Variants in ST3GAL3 observed in about 807,000 individuals in gnomAD.
ST3GAL3 encodes the protein ST3 beta-galactoside alpha-2,3-sialyltransferase 3, also known as CMP-N-acetylneuraminate-beta-1,4-galactoside alpha-2,3-sialyltransferase.
ST3GAL3 carries 21 observed loss-of-function variants against 50.1 expected under a neutral mutation model. The ratio of observed to expected loss-of-function variants is 0.42; its 90% confidence interval spans 0.30 to 0.60. The LOEUF is 0.60. Ranked by LOEUF, ST3GAL3 falls within the 20% of genes least tolerant of loss-of-function variation. The pLI, the probability that ST3GAL3 is intolerant of heterozygous loss-of-function variation, is 0.19. For synonymous variants in ST3GAL3, 183 were observed against 190.0 expected, an observed-to-expected ratio of 0.96 and a Z score of 0.30; for missense variants, 353 against 489.4, an observed-to-expected ratio of 0.72 and a Z score of 2.63.
chr1:43,908,163 T>C (rs1468773059), intron 9 of ST3GAL3, among the ~76,000 whole-genome samples: 1 of 152,224 alleles, frequency 6.6e-6, no homozygotes, highest in Non-Finnish European at 1.5e-5. Flanking sequence ...TTGCCTTCCA[T>C]ATTCGACTCT....
chr1:43,850,881 G>C (rs2154212959), intron 5 of ST3GAL3: 1 of 1,256,220 alleles, frequency 8.0e-7, no homozygotes, highest in East Asian at 2.3e-5. Context: ...GTTGATGAGA[G>C]ACTCCAGGTT....
At chr1:43,783,754 C>G (rs889312116) in intron 2 of ST3GAL3, among the ~76,000 whole-genome samples, 1 of 152,032 alleles carries the variant, frequency 6.6e-6, no homozygotes, top group African/African-American at 2.4e-5. Flanking sequence ...CCCCCGCAGT[C>G]TTAGAGGGCA....
At chr1:43,855,358 C>G (rs754041316) in intron 5 of ST3GAL3, among the ~76,000 whole-genome samples, 1 of 152,168 alleles carries the variant, frequency 6.6e-6, no homozygotes, top group African/African-American at 2.4e-5. Flanking sequence ...GCCTGTGATC[C>G]CATCACTTTG....
intron 2 of ST3GAL3, among the ~76,000 whole-genome samples, chr1:43,744,579 A>G (rs1244127447): frequency 1.3e-5 from 2 of 151,740 alleles, no homozygotes; most frequent in Admixed American, 6.6e-5. Flanking sequence ...TTTAAAAAAT[A>G]AACAGTGAGC....
Position 43,736,284 on chromosome 1 carries a change from C to T in ST3GAL3, c.22C>T (p.Arg8Cys), listed in dbSNP as rs759246869. 6 of 1,614,058 alleles carry T rather than the reference C, an allele frequency of 3.7e-6. No homozygotes were observed. The highest frequency in any genetic ancestry group is 1.1e-5 in the South Asian group (1 of 91,074). Residue 8 changes from arginine to cysteine, a missense_variant, in exon 2 of 12, where the codon CGC becomes TGC. Transcript: ENST00000347631. Reference protein sequence around the residue: MGLLVFVRNLLLALCLFL... With the variant: MGLLVFVCNLLLALCLFL... ...GAAGATGGGACTCTTGGTATTTGTG[C>T]GCAATCTGCTGCTAGCCCTCTGCCT...
chr1:43,839,711 C>T, intron 5 of ST3GAL3: 1 of 152,190 alleles, frequency 6.6e-6, no homozygotes, highest in East Asian at 1.9e-4. Flanking sequence ...GTTTAATTGG[C>T]TTATGGTTCA....
At chr1:43,733,987 G>A (rs528572256) in intron 1 of ST3GAL3, among the ~76,000 whole-genome samples, 1 of 152,260 alleles carries the variant, frequency 6.6e-6, no homozygotes, top group African/African-American at 2.4e-5. Context: ...GCGCGTGCCT[G>A]TAATCCCAGC....
intron 11 of ST3GAL3, among the ~76,000 whole-genome samples, chr1:43,926,466 G>A (rs868732611): frequency 9.2e-5 from 14 of 152,206 alleles, no homozygotes; most frequent in South Asian, 2.1e-4. Flanking sequence ...GCGCATGCCT[G>A]TAATCCCAGC....
chr1:43,888,276 A>G (rs913198691), intron 5 of ST3GAL3, among the ~76,000 whole-genome samples: 7 of 152,204 alleles, frequency 4.6e-5, no homozygotes, highest in Admixed American at 3.9e-4. Flanking sequence ...TGGGGATGAG[A>G]AAAACTTTCC....
chr1:43,905,995 A>C (rs1463651163), intron 9 of ST3GAL3, among the ~76,000 whole-genome samples: 51 of 19,550 alleles, frequency 2.6e-3, no homozygotes, highest in Admixed American at 4.4e-3. Context: ...CCTTCCCGCC[A>C]CTCTTCCCCC....
At position 43,744,144 on chromosome 1, in the gene ST3GAL3, A is replaced by C. The variant is rs1024844045; in HGVS notation, c.118+7764A>C. On this transcript the variant is annotated intron_variant, in intron 2 of 11. Transcript: ENST00000347631. ...TTTTTTATTTATCATCATAAAACCA[A>C]AGACAGTTTTACAATTTTTTGTATG... 3.9e-5 allele frequency among the ~76,000 whole-genome samples: 6 copies of C among 152,210 alleles called. No homozygotes were observed. The East Asian group carries it at 7.7e-4, about 20-fold the overall frequency.
chr1:43,867,953 AG>A (rs932246854), intron 5 of ST3GAL3, among the ~76,000 whole-genome samples: 4 of 152,266 alleles, frequency 2.6e-5, no homozygotes, highest in Admixed American at 6.5e-5. Flanking sequence ...GAGGCTATAT[AG>A]GCAACATACA....
intron 5 of ST3GAL3, among the ~76,000 whole-genome samples, chr1:43,863,897 C>A (rs977922918): frequency 6.6e-6 from 1 of 152,206 alleles, no homozygotes; most frequent in Non-Finnish European, 1.5e-5. Flanking sequence ...CTCCAGAGAC[C>A]CCAAGTATTC....
At chr1:43,789,171 T>A (rs2057730359) in intron 2 of ST3GAL3, among the ~76,000 whole-genome samples, 4 of 152,200 alleles carry the variant, frequency 2.6e-5, no homozygotes, top group African/African-American at 2.4e-5. Context: ...TCTGTTATGC[T>A]TTTTGGAGAA....
intron 3 of ST3GAL3, among the ~76,000 whole-genome samples, chr1:43,811,724 G>A (rs2060582304): frequency 6.6e-6 from 1 of 152,164 alleles, no homozygotes; most frequent in South Asian, 2.1e-4. Flanking sequence ...TGGGTAGGAG[G>A]TGGGCCCCAG....
intron 2 of ST3GAL3, among the ~76,000 whole-genome samples, chr1:43,754,966 G>A (rs1302406660): frequency 6.6e-6 from 1 of 151,988 alleles, no homozygotes; most frequent in African/African-American, 2.4e-5. Context: ...TGTGAATTAG[G>A]TATCTAAGGG....
chr1:43,928,776 G>A (rs1181507234), intron 11 of ST3GAL3, among the ~76,000 whole-genome samples: 1 of 151,638 alleles, frequency 6.6e-6, no homozygotes, highest in African/African-American at 2.4e-5. Flanking sequence ...GGGTGTGGTG[G>A]TGCACTCCTG....
At position 43,737,977 on chromosome 1, in the gene ST3GAL3, A is replaced by C. The variant is rs1679188355; in HGVS notation, c.118+1597A>C. 6.6e-6 allele frequency: 1 copy of C among 152,234 alleles called. No homozygotes were observed. Among genetic ancestry groups the C allele is most frequent in the Non-Finnish European group, 1.5e-5 (1 of 68,038 alleles). The allele number at this position is 152,234 out of a possible 1,614,324, so 9.4% of individuals were successfully genotyped here. On this transcript the variant is annotated intron_variant, in intron 2 of 11. Coordinates refer to ENST00000347631, the MANE Select transcript of ST3GAL3 (RefSeq NM_006279.5). The surrounding 1 kb of genome is among the most constrained non-coding windows in gnomAD (Gnocchi z 4.0). Reference sequence around the variant, plus strand: ...ATTTTCCAGTTGAGCAAACTGAAACACTTTAATTTACCAAGGTTATATTGT... The same window carrying C: ...ATTTTCCAGTTGAGCAAACTGAAACCCTTTAATTTACCAAGGTTATATTGT...
intron 5 of ST3GAL3, chr1:43,851,519 G>A (rs909478149): frequency 6.3e-7 from 1 of 1,596,986 alleles, no homozygotes; most frequent in Non-Finnish European, 8.6e-7. Context: ...ACCCCTCAGA[G>A]TATTTGTTAT....
Sources: allele counts gnomAD v4.1 joint callset (sites outside exome capture counted in the v4.1 genomes callset), GRCh38; gene constraint gnomAD v4.1.1; non-coding constraint Gnocchi (gnomAD v3.1); transcripts MANE v1.5; gene names NCBI Gene and HGNC (gene_info 2026-07-23, HGNC 2026-07-21).